The following FMN1 variants were observed in gnomAD, a reference collection of about 807,000 sequenced individuals.
FMN1 encodes formin 1, also known as formin-1.
A neutral mutation model predicts 132.4 loss-of-function variants in FMN1; 110 were observed. The observed-to-expected ratio is 0.83, with a 90% CI of 0.71 to 0.97. The LOEUF is 0.97. Among genes scored for constraint, FMN1 ranks in the 50% least tolerant of loss-of-function variants. The probability of loss-of-function intolerance (pLI) is 0.00; values close to 1 mark genes in which losing one functional copy is unlikely to be tolerated. For synonymous variants in FMN1, 722 were observed against 651.7 expected (o/e 1.11, Z -1.64); for missense variants, 1,792 against 1,705.3 (o/e 1.05, Z -0.90).
At chr15:32,928,493 G>A (rs766153316) in intron 9 of FMN1, among the ~76,000 whole-genome samples, 19 of 152,150 alleles carry the variant, frequency 1.2e-4, no homozygotes, top group South Asian at 2.1e-4. Flanking sequence ...TACTGTACAC[G>A]TTACATGTGC....
At chr15:32,874,549 G>C (rs1285096888) in intron 16 of FMN1, among the ~76,000 whole-genome samples, 1 of 152,138 alleles carries the variant, frequency 6.6e-6, no homozygotes, top group Non-Finnish European at 1.5e-5. Flanking sequence ...ACAGCTGGAG[G>C]GAAAATTCTA....
chr15:32,957,593 A>G (rs1352312586), intron 9 of FMN1, among the ~76,000 whole-genome samples: 1 of 152,136 alleles, frequency 6.6e-6, no homozygotes, highest in Non-Finnish European at 1.5e-5. Context: ...TCCCATTTGC[A>G]AATAGTTTTA....
At chr15:32,841,508 C>T (rs2058745087) in intron 17 of FMN1, among the ~76,000 whole-genome samples, 1 of 152,096 alleles carries the variant, frequency 6.6e-6, no homozygotes, top group African/African-American at 2.4e-5. Flanking sequence ...TGGCTTTTAA[C>T]TATTTCTACA....
intron 5 of FMN1, among the ~76,000 whole-genome samples, chr15:33,068,758 C>A (rs1156888806): frequency 6.6e-6 from 1 of 152,164 alleles, no homozygotes; most frequent in Admixed American, 6.5e-5. Context: ...TCTGCCCTAG[C>A]TGTCTCAGTG....
chr15:32,918,684 A>G (rs952051268), intron 10 of FMN1, among the ~76,000 whole-genome samples: 2 of 152,138 alleles, frequency 1.3e-5, no homozygotes, highest in African/African-American at 2.4e-5. Context: ...TATCCCCTCT[A>G]TTCTCCAGAG....
chr15:33,005,240 C>T (rs2034352607), intron 7 of FMN1, among the ~76,000 whole-genome samples: 1 of 151,096 alleles, frequency 6.6e-6, no homozygotes, highest in Admixed American at 6.6e-5. Flanking sequence ...TTGGATGTAC[C>T]ACCCAGATGG....
At chr15:33,086,426 T>C (rs765434945) in intron 5 of FMN1, among the ~76,000 whole-genome samples, 4 of 152,086 alleles carry the variant, frequency 2.6e-5, no homozygotes, top group African/African-American at 7.2e-5. Context: ...GGTTTTTTTT[T>C]CACTGTAACT....
chr15:33,106,606 C>CT (rs1344533077), intron 4 of FMN1, among the ~76,000 whole-genome samples: 1 of 152,078 alleles, frequency 6.6e-6, no homozygotes, highest in Non-Finnish European at 1.5e-5. Context: ...TCACTGTTCA[C>CT]TCTTCAGTTG....
intron 4 of FMN1, among the ~76,000 whole-genome samples, chr15:33,115,061 T>G (rs1458157271): frequency 2.0e-5 from 3 of 152,204 alleles, no homozygotes; most frequent in Non-Finnish European, 4.4e-5. Flanking sequence ...TCAGTCAAAA[T>G]GCTGATTAAG....
intron 4 of FMN1, among the ~76,000 whole-genome samples, chr15:33,091,537 G>A (rs1192013401): frequency 6.6e-6 from 1 of 152,094 alleles, no homozygotes; most frequent in African/African-American, 2.4e-5. Context: ...AATAATTTTG[G>A]CAAGAATCAT....
At chr15:32,996,753 TCA>T (rs2033795184) in intron 7 of FMN1, among the ~76,000 whole-genome samples, 1 of 152,112 alleles carries the variant, frequency 6.6e-6, no homozygotes. Flanking sequence ...CACAATAAAT[TCA>T]CACTATGAAT....
chr15:33,173,536 G>A (rs994696659), intron 3 of FMN1, among the ~76,000 whole-genome samples: 1 of 152,214 alleles, frequency 6.6e-6, no homozygotes, highest in African/African-American at 2.4e-5. Flanking sequence ...AACCAGCATA[G>A]CACCATTTTA....
intron 3 of FMN1, among the ~76,000 whole-genome samples, chr15:33,171,833 T>C (rs982213888): frequency 1.3e-5 from 2 of 152,220 alleles, no homozygotes; most frequent in African/African-American, 4.8e-5. Context: ...TGATCACTTA[T>C]ACAACTGTGT....
At chr15:33,051,814 G>A (rs549957413) in intron 6 of FMN1, among the ~76,000 whole-genome samples, 16 of 152,180 alleles carry the variant, frequency 1.1e-4, no homozygotes, top group Admixed American at 2.6e-4. Flanking sequence ...GGAGGAATCC[G>A]GGGAGAAGGA....
At chr15:33,061,134 C>G (rs970264757) in intron 6 of FMN1, among the ~76,000 whole-genome samples, 2 of 152,140 alleles carry the variant, frequency 1.3e-5, no homozygotes, top group Non-Finnish European at 2.9e-5. Context: ...TTCTTCTGTG[C>G]TTTCTATCAT....
chr15:33,151,293 C>T, intron 4 of FMN1: 1 of 1,536,302 alleles, frequency 6.5e-7, no homozygotes. Context: ...TTTCCAGCTT[C>T]TTCTTTTATA....
At chr15:33,164,694 A>T (rs1436625965) in intron 3 of FMN1, among the ~76,000 whole-genome samples, 1 of 152,218 alleles carries the variant, frequency 6.6e-6, no homozygotes, top group Non-Finnish European at 1.5e-5. Context: ...GATCCTCAAC[A>T]CATCACTGGT....
At position 33,108,689 on chromosome 15, in the gene FMN1, C is replaced by T. The variant is rs7183874; in HGVS notation, c.1868-19715G>A. On this transcript the variant is annotated intron_variant, in intron 4 of 20. Transcript: ENST00000616417. ...ATAGCCCTTGGCTCCTGATGTGTAA[C>T]TATATCCTATTCCTCTTTTGATGTT... Among the ~76,000 whole-genome samples, 884 of 152,218 alleles carry T rather than the reference C, an allele frequency of 5.8e-3. 11 individuals carry two copies. Among genetic ancestry groups the T allele is most frequent in the African/African-American group, 0.02 (843 of 41,542 alleles).
chr15:33,149,634 A>G, intron 4 of FMN1: 1 of 241,208 alleles, frequency 4.1e-6, no homozygotes, highest in East Asian at 1.8e-4. Flanking sequence ...ATGTCAACTT[A>G]ATTCCTGTAT....
Sources: gnomAD v4.1 joint callset for allele counts (sites outside exome capture counted in the v4.1 genomes callset) on GRCh38, gnomAD v4.1.1 for gene constraint, MANE v1.5 for transcripts, NCBI Gene and HGNC (gene_info 2026-07-23, HGNC 2026-07-21) for gene names.